Variants in USP4 observed in about 807,000 individuals in gnomAD.
The protein encoded by USP4 is ubiquitin carboxyl-terminal hydrolase 4.
Under a neutral mutation model 118.2 loss-of-function variants are expected in USP4, and 72 were observed. The observed-to-expected ratio is 0.61, with a 90% confidence interval of 0.50 to 0.74. The LOEUF (loss-of-function observed/expected upper bound fraction) is 0.74, where lower values mean the gene tolerates loss of function less well. USP4 is among the 30% of genes least tolerant of loss of function. The pLI, the probability that USP4 is intolerant of heterozygous loss-of-function variation, is 0.00. For synonymous variants in USP4, 415 were observed against 440.4 expected (o/e 0.94, Z 0.72); for missense variants, 1,037 against 1,185.7 (o/e 0.87, Z 1.84).
intron 6 of USP4, chr3:49,316,968 A>T (rs2047442866): frequency 1.5e-6 from 1 of 648,632 alleles, no homozygotes; most frequent in Non-Finnish European, 2.7e-6. Flanking sequence ...TGCCCCTCTT[A>T]GCACCTGAGA....
Position 49,284,878 on chromosome 3 carries a change from TC to T in USP4, c.2241del (p.Arg748AspfsTer16), listed in dbSNP as rs779821527. On this transcript the variant is annotated frameshift_variant, in exon 17 of 22. Coordinates refer to ENST00000265560, the MANE Select transcript of USP4 (RefSeq NM_003363.4). LOFTEE classifies it high-confidence loss of function. ...TLAMDWDSETRRLYYDEQESE... is the reference protein window; with the variant it reads ...TLAMDWDSETXRLYYDEQESE... ...GATTCTTGCTCATCATAGTAAAGTC[TC>T]CGAGTTTCACTGTCCCAATCCATGG... 6.2e-7 allele frequency: 1 copy of T among 1,613,690 alleles called. No individual in the cohort carries two copies. The highest frequency in any genetic ancestry group is 8.5e-7 in the Non-Finnish European group (1 of 1,179,828).
chr3:49,298,481 G>A (rs2047231436), intron 12 of USP4, 71 bp downstream of exon 12: 1 of 1,502,934 alleles, frequency 6.7e-7, no homozygotes, highest in Non-Finnish European at 9.3e-7. Context: ...GTGGCTTCAA[G>A]GTTGAAAGTA....
intron 6 of USP4, among the ~76,000 whole-genome samples, chr3:49,322,249 TTCA>T (rs2047510655): frequency 6.6e-6 from 1 of 152,190 alleles, no homozygotes; most frequent in Non-Finnish European, 1.5e-5. Context: ...CCTTCTCTCA[TTCA>T]TCATTTTTCA....
intron 7 of USP4, 117 bp downstream of exon 7, chr3:49,311,397 T>C (rs749162058): frequency 1.4e-5 from 16 of 1,115,316 alleles, no homozygotes; most frequent in East Asian, 2.5e-5. Flanking sequence ...ACATGTAGCA[T>C]GTTCCCATGA....
chr3:49,339,941 G>A lies in USP4; in HGVS notation c.84C>T (p.Leu28=). 6.2e-7 allele frequency: 1 copy of A among 1,613,180 alleles called. No homozygotes were observed. The highest frequency in any genetic ancestry group is 8.5e-7 in the Non-Finnish European group (1 of 1,179,834). ...GAGCTCACCACTGCGCCCCGCGTTG[G>A]AGTGTGGTCCTCATTAAGGGTCCAA... ...SELGPLMRTT[L]QRGAQWYLID... Residue 28 remains leucine, a synonymous_variant, in exon 1 of 22, where the codon CTC becomes CTT. Coordinates refer to ENST00000265560, the MANE Select transcript of USP4 (RefSeq NM_003363.4).
intron 1 of USP4, among the ~76,000 whole-genome samples, chr3:49,337,869 A>C (rs1322272254): frequency 1.3e-5 from 2 of 151,642 alleles, no homozygotes; most frequent in Non-Finnish European, 2.9e-5. Flanking sequence ...AACATGGTGA[A>C]ACCCTGTCTC....
In USP4 at chr3:49,311,662, AGAG is replaced by A. The variant is rs775538041; in HGVS notation, c.696-11_696-9del. 2 of 1,613,170 alleles carry A rather than the reference AGAG, an allele frequency of 1.2e-6. No homozygotes were observed. Among genetic ancestry groups the A allele is most frequent in the African/African-American group, 2.7e-5 (2 of 74,924 alleles). On this transcript the variant is annotated splice_polypyrimidine_tract_variant and intron_variant, in intron 6 of 21. Transcript: ENST00000265560. ...CTAGGCGCAGTGCTTGATCTGGGAGAGAGAAGCAGAAACAATGCTACTGACTTT... is the reference window on the plus strand; with the variant it reads ...CTAGGCGCAGTGCTTGATCTGGGAGAAAGCAGAAACAATGCTACTGACTTT...
At chr3:49,286,939 T>A (rs1205831627) in intron 15 of USP4, among the ~76,000 whole-genome samples, 1 of 152,010 alleles carries the variant, frequency 6.6e-6, no homozygotes, top group African/African-American at 2.4e-5. Context: ...AACCTTCACC[T>A]CCCAGGTTCA....
At chr3:49,322,787 A>AC (rs2047515639) in intron 6 of USP4, among the ~76,000 whole-genome samples, 1 of 151,302 alleles carries the variant, frequency 6.6e-6, no homozygotes, top group Non-Finnish European at 1.5e-5. Context: ...TGAACCCGGG[A>AC]GTGGGGGTGC....
At chr3:49,318,450 G>A (rs902224469) in intron 6 of USP4, 3 of 985,338 alleles carry the variant, frequency 3.0e-6, no homozygotes, top group East Asian at 1.1e-4. Flanking sequence ...GGCAAGTGAC[G>A]TTAAAGGGAA....
At chr3:49,319,547 T>G (rs2047477822) in intron 6 of USP4, among the ~76,000 whole-genome samples, 1 of 151,202 alleles carries the variant, frequency 6.6e-6, no homozygotes. Context: ...ACTATTTCCA[T>G]TCCCTCAATT....
chr3:49,312,460 G>A lies in USP4; in HGVS notation c.696-806C>T, dbSNP rs138662145. 1,231 of 453,120 alleles carry A rather than the reference G, an allele frequency of 2.7e-3. 17 individuals are homozygous for A. Among genetic ancestry groups the A allele is most frequent in the African/African-American group, 0.021 (1,057 of 49,864 alleles). 28.1% of individuals were successfully genotyped at this position (453,120 alleles called of 1,614,324 possible). A position where few individuals can be genotyped will look rare whatever the true frequency, so the allele number is the denominator to read the frequency against. ...CACCGCACTCCAGCTTGGTGACAGA[G>A]TGAGACTCCATCTCAAAAAAAAAAA... On this transcript the variant is annotated intron_variant, in intron 6 of 21. Coordinates refer to ENST00000265560, the MANE Select transcript of USP4 (RefSeq NM_003363.4).
chr3:49,334,365 T>C (rs1395303262), intron 2 of USP4, among the ~76,000 whole-genome samples: 6 of 152,230 alleles, frequency 3.9e-5, no homozygotes, highest in Admixed American at 3.9e-4. Flanking sequence ...AGTGCCACCA[T>C]TTGACCTATT....
At chr3:49,297,640 G>C (rs563637921) in intron 13 of USP4, among the ~76,000 whole-genome samples, 1 of 152,288 alleles carries the variant, frequency 6.6e-6, no homozygotes, top group Non-Finnish European at 1.5e-5. Flanking sequence ...AAAAAAGGCT[G>C]TGGCTGTGCT....
rs114780626 is a variant in USP4 at position 49,332,525 on chromosome 3, C to T, written c.229+2944G>A. 4.8e-3 allele frequency among the ~76,000 whole-genome samples: 725 copies of T among 151,714 alleles called. 8 individuals are homozygous for T. The highest frequency in any genetic ancestry group is 0.017 in the African/African-American group (685 of 41,394). On this transcript the variant is annotated intron_variant, in intron 2 of 21. Coordinates refer to ENST00000265560, the MANE Select transcript of USP4 (RefSeq NM_003363.4). The stretch of plus-strand genomic sequence containing the variant: ...AGCAAAGAGGTAGATGGCATCTTCC[C>T]AATAGAAGGGTGTTTTGTCTACATT...
chr3:49,283,349 A>T (rs989927591), intron 19 of USP4, among the ~76,000 whole-genome samples: 1 of 151,044 alleles, frequency 6.6e-6, no homozygotes, highest in Non-Finnish European at 1.5e-5. Context: ...TTTTGTAGAG[A>T]GGAAGTCTCT....
chr3:49,280,117 G>C (rs1483027050), intron 20 of USP4, among the ~76,000 whole-genome samples: 1 of 151,904 alleles, frequency 6.6e-6, no homozygotes, highest in Non-Finnish European at 1.5e-5. Flanking sequence ...ACAAAAATTA[G>C]CCAGGTGTGG....
At chr3:49,338,919 G>T (rs1229453756) in intron 1 of USP4, among the ~76,000 whole-genome samples, 4 of 152,094 alleles carry the variant, frequency 2.6e-5, no homozygotes, top group Non-Finnish European at 4.4e-5. Flanking sequence ...AGGCCGAGGC[G>T]GGTGGATCAT....
intron 6 of USP4, among the ~76,000 whole-genome samples, chr3:49,313,143 G>A (rs1275405771): frequency 6.6e-6 from 1 of 151,980 alleles, no homozygotes; most frequent in Non-Finnish European, 1.5e-5. Context: ...TGCCTGCCTT[G>A]GCCTCCCAAA....
Sources: allele counts gnomAD v4.1 joint callset (sites outside exome capture counted in the v4.1 genomes callset), GRCh38; gene constraint gnomAD v4.1.1; transcripts MANE v1.5; gene names NCBI Gene and HGNC (gene_info 2026-07-23, HGNC 2026-07-21).